Variants in TMEM160 observed in about 807,000 individuals in gnomAD.
The protein encoded by TMEM160 is transmembrane protein 160.
A neutral mutation model predicts 13.9 loss-of-function variants in TMEM160; 10 were observed. The observed-to-expected ratio is 0.72, with a 90% confidence interval of 0.45 to 1.22. The LOEUF (loss-of-function observed/expected upper bound fraction) is 1.22, where lower values mean the gene tolerates loss of function less well. TMEM160 is among the 50% of genes most tolerant of loss of function. The probability of loss-of-function intolerance (pLI) is 0.00; values close to 1 mark genes in which losing one functional copy is unlikely to be tolerated. For missense variants in TMEM160, 287 were observed against 283.2 expected, an observed-to-expected ratio of 1.01 and a Z score of -0.10; for synonymous variants, 159 against 134.8, an observed-to-expected ratio of 1.18 and a Z score of -1.25.
rs1431324323 is a variant in TMEM160 at position 47,045,960 on chromosome 19, G to A, written c.*27C>T. The A allele has an allele frequency of 1.6e-5, 24 of 1,522,276 alleles. No individual in the cohort carries two copies. The highest frequency in any genetic ancestry group is 2.1e-5 in the Non-Finnish European group (24 of 1,142,216). 94.3% of individuals were successfully genotyped at this position (1,522,276 alleles called of 1,614,324 possible). ...TCCCAGTCCTCGGGCGCTGTCCAGC[G>A]CCTGCCAGGCCCCACGGCCGTGTCG... On this transcript the variant is annotated 3_prime_UTR_variant, in exon 3 of 3. Coordinates refer to ENST00000253047, the MANE Select transcript of TMEM160 (RefSeq NM_017854.2).
intron 1 of TMEM160, chr19:47,047,579 G>A: frequency 1.0e-6 from 1 of 985,040 alleles, no homozygotes; most frequent in Non-Finnish European, 1.2e-6. Context: ...GGCCTAGTGA[G>A]GTGACTCACA....
At chr19:47,048,315 C>G in intron 1 of TMEM160, 92 bp downstream of exon 1, 1 of 1,167,708 alleles carries the variant, frequency 8.6e-7, no homozygotes, top group Non-Finnish European at 1.2e-6. Context: ...AGCCCGGGCC[C>G]CGTTTCCTGC....
intron 1 of TMEM160, among the ~76,000 whole-genome samples, 154 bp downstream of exon 1, chr19:47,048,253 C>T (rs1020423462): frequency 1.2e-4 from 18 of 152,190 alleles, no homozygotes; most frequent in Non-Finnish European, 2.2e-4. Context: ...GGCACCTGCG[C>T]TCTTGCAGTC....
chr19:47,046,695 G>A lies in TMEM160; in HGVS notation c.209-10C>T. The A allele has an allele frequency of 1.3e-6, 2 of 1,590,874 alleles. No individual in the cohort carries two copies. Among genetic ancestry groups the A allele is most frequent in the South Asian group, 1.1e-5 (1 of 90,628 alleles). On this transcript the variant is annotated splice_polypyrimidine_tract_variant and intron_variant, in intron 1 of 2. Coordinates refer to ENST00000253047, the MANE Select transcript of TMEM160 (RefSeq NM_017854.2). ...AACCAGGAGAGGAAGGCTGGAGGGA[G>A]GGGGACATGGGGGGATTAACATCAC...
Position 47,046,095 on chromosome 19 carries a change from C to T in TMEM160, c.459G>A (p.Val153=). ...GCTCCAGCTGCCCCATGTAGAGGCC[C>T]ACGGCGCACGCCCAGAGCAGGCTGG... ...LAASLLWACA[V]GLYMGQLELD... Residue 153 remains valine (V), a synonymous_variant, in exon 3 of 3, where the codon GTG becomes GTA. Coordinates refer to ENST00000253047, the MANE Select transcript of TMEM160 (RefSeq NM_017854.2). 1.3e-6 allele frequency: 2 copies of T among 1,536,336 alleles called. No individual in the cohort carries two copies. The highest frequency in any genetic ancestry group is 1.7e-6 in the Non-Finnish European group (2 of 1,147,124).
chr19:47,046,043 C>G lies in TMEM160; in HGVS notation c.511G>C (p.Asp171His). Residue 171 changes from aspartate (D) to histidine (H), a missense_variant, in exon 3 of 3, where the codon GAC becomes CAC. Asp to His is a moderately conservative substitution (Grantham distance 81). Coordinates refer to ENST00000253047, the MANE Select transcript of TMEM160 (RefSeq NM_017854.2). The stretch of plus-strand genomic sequence containing the variant: ...GGGCCTTCCGCGGAGGCCGTCCCGT[C>G]GTCCTCGGGCACCAGCTCCACGTCC... ...ELDVELVPED[D>H]GTASAEGPDE... The G allele has an allele frequency of 6.5e-7, 1 of 1,548,838 alleles. No homozygotes were observed. Among genetic ancestry groups the G allele is most frequent in the Non-Finnish European group, 8.7e-7 (1 of 1,154,286 alleles).
At chr19:47,046,532 C>A in intron 2 of TMEM160, 61 bp downstream of exon 2, 2 of 1,368,902 alleles carry the variant, frequency 1.5e-6, no homozygotes, top group Non-Finnish European at 2.1e-6. Context: ...CTCACCAGGG[C>A]AGGTGATAGG....
In TMEM160 at chr19:47,047,687, ATAAAT is replaced by A. The variant is rs887165236; in HGVS notation, c.208+715_208+719del. On this transcript the variant is annotated intron_variant, in intron 1 of 2. Transcript: ENST00000253047. ...CAACAAAGCAAGACCCCGTCTCTACATAAATTAAAATAGTTGGGTGCGGTGGTGTA... is the reference window on the plus strand; with the variant it reads ...CAACAAAGCAAGACCCCGTCTCTACATAAAATAGTTGGGTGCGGTGGTGTA... The A allele has an allele frequency of 7.3e-6, 5 of 683,264 alleles. No individual in the cohort carries two copies. In the African/African-American group the frequency reaches 7.8e-5, roughly 11 times the overall value. The allele number at this position is 683,264 out of a possible 1,614,324, so 42.3% of individuals were successfully genotyped here.
Position 47,045,911 on chromosome 19 carries a change from G to C in TMEM160, c.*76C>G, listed in dbSNP as rs1480335921. ...AACACGAACCAATACTCTGCATCTG[G>C]AGGAGGGGAGGTCAGGTTTAATGTC... On this transcript the variant is annotated 3_prime_UTR_variant, in exon 3 of 3. Coordinates refer to ENST00000253047, the MANE Select transcript of TMEM160 (RefSeq NM_017854.2). 1.1e-5 allele frequency: 16 copies of C among 1,416,626 alleles called. No individual in the cohort carries two copies. Among genetic ancestry groups the C allele is most frequent in the Non-Finnish European group, 1.5e-5 (16 of 1,080,298 alleles). The allele number at this position is 1,416,626 out of a possible 1,614,324, so 87.8% of individuals were successfully genotyped here. A position where few individuals can be genotyped will look rare whatever the true frequency, so the allele number is the denominator to read the frequency against.
At position 47,045,916 on chromosome 19, in the gene TMEM160, G is replaced by T; in HGVS notation, c.*71C>A. ...GAACCAATACTCTGCATCTGGAGGA[G>T]GGGAGGTCAGGTTTAATGTCCCAGT... On this transcript the variant is annotated 3_prime_UTR_variant, in exon 3 of 3. Coordinates refer to ENST00000253047, the MANE Select transcript of TMEM160 (RefSeq NM_017854.2). The T allele has an allele frequency of 7.0e-7, 1 of 1,424,536 alleles. No individual in the cohort carries two copies. Among genetic ancestry groups the T allele is most frequent in the East Asian group, 2.8e-5 (1 of 35,622 alleles). The allele number at this position is 1,424,536 out of a possible 1,614,324, so 88.2% of individuals were successfully genotyped here. A position where few individuals can be genotyped will look rare whatever the true frequency, so the allele number is the denominator to read the frequency against.
rs779428828 is a variant in TMEM160, at chr19:47,046,575, G to T, written c.301+18C>A. The stretch of plus-strand genomic sequence containing the variant: ...CATTCCCTGGTTCCGTGGGGCGAGA[G>T]GGGGGGTCTGCACTCACCATATGCT... On this transcript the variant is annotated intron_variant, in intron 2 of 2. Coordinates refer to ENST00000253047, the MANE Select transcript of TMEM160 (RefSeq NM_017854.2). 3 of 1,591,992 alleles carry T rather than the reference G, an allele frequency of 1.9e-6. No individual in the cohort carries two copies. The highest frequency in any genetic ancestry group is 2.6e-6 in the Non-Finnish European group (3 of 1,163,390).
At chr19:47,046,306 C>G in intron 2 of TMEM160, 54 bp from the exon 3 acceptor site, 1 of 1,499,888 alleles carries the variant, frequency 6.7e-7, no homozygotes, top group Non-Finnish European at 8.8e-7. Flanking sequence ...GGTCTGGGAG[C>G]AAAGCCAGGG....
rs760329639 is a variant in TMEM160, at chr19:47,048,416, G to A, written c.199C>T (p.His67Tyr). The change falls in exon 1 of 3, where the codon CAC (histidine) becomes TAC (tyrosine). Residue 67 changes from histidine (H) to tyrosine (Y), a missense_variant. By Grantham distance (83) the His-to-Tyr change is moderately conservative. Coordinates refer to ENST00000253047, the MANE Select transcript of TMEM160 (RefSeq NM_017854.2). Reference protein sequence around the residue: ...RADAWLLRKAHETAFLSWFRN... With the variant: ...RADAWLLRKAYETAFLSWFRN... The stretch of plus-strand genomic sequence containing the variant: ...ACCCCTAGCCACCGACCTGTCTCGT[G>A]CGCTTTTCGGAGGAGCCAGGCGTCC... 11 of 1,478,858 alleles carry A rather than the reference G, an allele frequency of 7.4e-6. No individual in the cohort carries two copies. The highest frequency in any genetic ancestry group is 9.8e-6 in the Non-Finnish European group (11 of 1,124,884). The allele number at this position is 1,478,858 out of a possible 1,614,324, so 91.6% of individuals were successfully genotyped here. A position where few individuals can be genotyped will look rare whatever the true frequency, so the allele number is the denominator to read the frequency against.
intron 1 of TMEM160, 82 bp from the exon 2 acceptor site, chr19:47,046,767 G>A: frequency 9.4e-7 from 1 of 1,064,844 alleles, no homozygotes; most frequent in Non-Finnish European, 1.4e-6. Flanking sequence ...AAACTGAGGG[G>A]CCTCCCTTCA....
At chr19:47,046,833 C>G (rs2057083149) in intron 1 of TMEM160, 148 bp from the exon 2 acceptor site, 1 of 648,132 alleles carries the variant, frequency 1.5e-6, no homozygotes, top group East Asian at 2.7e-5. Flanking sequence ...CTCACCTCTT[C>G]CAGGAAGCCG....
Position 47,046,062 on chromosome 19 carries a change from C to T in TMEM160, c.492G>A (p.Val164=). 6.5e-7 allele frequency: 1 copy of T among 1,548,086 alleles called. No individual in the cohort carries two copies. Among genetic ancestry groups the T allele is most frequent in the East Asian group, 2.4e-5 (1 of 41,740 alleles). Residue 164 remains valine, a synonymous_variant, in exon 3 of 3, where the codon GTG becomes GTA. Coordinates refer to ENST00000253047, the MANE Select transcript of TMEM160 (RefSeq NM_017854.2). Reference sequence around the variant, plus strand: ...TCCCGTCGTCCTCGGGCACCAGCTCCACGTCCAGCTCCAGCTGCCCCATGT... The same window carrying T: ...TCCCGTCGTCCTCGGGCACCAGCTCTACGTCCAGCTCCAGCTGCCCCATGT... ...GLYMGQLELD[V]ELVPEDDGTA...
In TMEM160 at chr19:47,046,639, C is replaced by T. The variant is rs764368809; in HGVS notation, c.255G>A (p.Gly85=). 3.7e-6 allele frequency: 6 copies of T among 1,612,532 alleles called. No individual in the cohort carries two copies. In the African/African-American group the frequency reaches 8.0e-5, roughly 22 times the overall value. ...TGTCACTCTGCATGAAGGAGATGAC[C>T]CCGATGCCCGATGCCAGGAGGCCAT... ...FRNGLLASGI[G]VISFMQSDMG... is the part of the protein sequence containing the mutation. Residue 85 remains glycine (G), a synonymous_variant, in exon 2 of 3, where the codon GGG becomes GGA. Transcript: ENST00000253047.
intron 1 of TMEM160, chr19:47,047,577 G>A: frequency 1.0e-6 from 1 of 984,704 alleles, no homozygotes; most frequent in Non-Finnish European, 1.2e-6. Flanking sequence ...CTGGCCTAGT[G>A]AGGTGACTCA....
intron 2 of TMEM160, 50 bp downstream of exon 2, chr19:47,046,543 G>C: frequency 6.8e-7 from 1 of 1,473,256 alleles, no homozygotes. Flanking sequence ...AGGTGATAGG[G>C]GCTCTGCATT....
Sources: allele counts gnomAD v4.1 joint callset (sites outside exome capture counted in the v4.1 genomes callset), GRCh38; gene constraint gnomAD v4.1.1; transcripts MANE v1.5; gene names NCBI Gene and HGNC (gene_info 2026-07-23, HGNC 2026-07-21).